The following CLHC1 variants were observed in gnomAD, a reference collection of about 807,000 sequenced individuals.
The protein encoded by CLHC1 is clathrin heavy chain linker domain containing 1.
In CLHC1, 72 loss-of-function variants were observed where a neutral mutation model predicts 69.5. The ratio of observed to expected loss-of-function variants is 1.04; its 90% CI spans 0.86 to 1.26. CLHC1 has a LOEUF of 1.26. Ranked by LOEUF, CLHC1 falls within the 50% of genes most tolerant of loss-of-function variation. CLHC1 has a pLI of 0.00. For missense variants in CLHC1, 790 were observed against 679.3 expected, an observed-to-expected ratio of 1.16 and a Z score of -1.81; for synonymous variants, 223 against 224.3, an observed-to-expected ratio of 0.99 and a Z score of 0.05.
At chr2:55,231,067 T>C (rs1056330691) in intron 1 of CLHC1, among the ~76,000 whole-genome samples, 6 of 151,916 alleles carry the variant, frequency 3.9e-5, no homozygotes, top group African/African-American at 9.7e-5. Context: ...CTGGCCAACA[T>C]GGTGAAACCC....
intron 12 of CLHC1, among the ~76,000 whole-genome samples, chr2:55,177,002 T>C (rs1319208544): frequency 6.6e-6 from 1 of 152,134 alleles, no homozygotes; most frequent in Non-Finnish European, 1.5e-5. Flanking sequence ...TCCTCTCAAG[T>C]AGCTGGGACT....
At chr2:55,223,111 T>C (rs1371239525) in intron 2 of CLHC1, among the ~76,000 whole-genome samples, 1 of 152,050 alleles carries the variant, frequency 6.6e-6, no homozygotes, top group Non-Finnish European at 1.5e-5. Context: ...GTTTGGTATT[T>C]TATATTTATT....
Position 55,231,253 on chromosome 2 carries a change from A to C in CLHC1, c.-256+970T>G, listed in dbSNP as rs545687670. Among the ~76,000 whole-genome samples the C allele has an allele frequency of 2.8e-3, 343 of 123,328 alleles. 1 individual carries two copies. Among genetic ancestry groups the C allele is most frequent in the African/African-American group, 0.015 (324 of 22,104 alleles). 80.9% of individuals were successfully genotyped at this position (123,328 alleles called of 152,430 possible). A position where few individuals can be genotyped will look rare whatever the true frequency, so the allele number is the denominator to read the frequency against. ...CAACAGAGCGAAATTCCGTCTCACG[A>C]AAAAAAAAAAAAAAAGTTCCAGGAA... On this transcript the variant is annotated intron_variant, in intron 1 of 12. Coordinates refer to ENST00000401408, the MANE Select transcript of CLHC1 (RefSeq NM_152385.4).
chr2:55,210,280 T>C (rs1183801119), intron 5 of CLHC1, among the ~76,000 whole-genome samples: 1 of 152,104 alleles, frequency 6.6e-6, no homozygotes, highest in Non-Finnish European at 1.5e-5. Flanking sequence ...CACTGCAACC[T>C]CTGCCTCCCA....
At position 55,212,735 on chromosome 2, in the gene CLHC1, T is replaced by C. The variant is rs373837976; in HGVS notation, c.437A>G (p.Glu146Gly). The change falls in exon 5 of 13, where the codon GAG becomes GGG. Residue 146 changes from glutamate to glycine, a missense_variant. By Grantham distance (98) the Glu-to-Gly change is moderately conservative. Coordinates refer to ENST00000401408, the MANE Select transcript of CLHC1 (RefSeq NM_152385.4). Reference protein sequence around the residue: ...QIDHIKQCRAEYDTKEVKYCT... With the variant: ...QIDHIKQCRAGYDTKEVKYCT... ...ATATTTTACTTCTTTTGTGTCATACTCTGCCCTACACTGCTTGATGTGATC... is the reference window on the plus strand; with the variant it reads ...ATATTTTACTTCTTTTGTGTCATACCCTGCCCTACACTGCTTGATGTGATC... 1.1e-5 allele frequency: 17 copies of C among 1,594,904 alleles called. No homozygotes were observed. In the African/African-American group the frequency reaches 1.2e-4, roughly 11 times the overall value.
At chr2:55,223,662 C>T (rs1479155957) in intron 2 of CLHC1, among the ~76,000 whole-genome samples, 4 of 152,092 alleles carry the variant, frequency 2.6e-5, no homozygotes, top group Non-Finnish European at 5.9e-5. Flanking sequence ...TCGCGGGGAC[C>T]ACTGGCGCCC....
At chr2:55,187,062 T>C (rs549909578) in intron 9 of CLHC1, among the ~76,000 whole-genome samples, 18 of 148,988 alleles carry the variant, frequency 1.2e-4, no homozygotes, top group Admixed American at 4.0e-4. Context: ...AGGTCAGGAG[T>C]TTGAGATCAA....
intron 9 of CLHC1, among the ~76,000 whole-genome samples, chr2:55,200,847 A>C (rs1671881582): frequency 6.6e-6 from 1 of 152,216 alleles, no homozygotes. Flanking sequence ...GATCACAGTG[A>C]AATAAAACTA....
chr2:55,188,334 T>G (rs1239435791), intron 9 of CLHC1, among the ~76,000 whole-genome samples: 1 of 152,086 alleles, frequency 6.6e-6, no homozygotes, highest in Non-Finnish European at 1.5e-5. Flanking sequence ...GGTATATGTG[T>G]ATACATATAT....
chr2:55,229,057 A>G (rs1674990919), intron 1 of CLHC1, among the ~76,000 whole-genome samples: 1 of 149,158 alleles, frequency 6.7e-6, no homozygotes, highest in Non-Finnish European at 1.5e-5. Context: ...TGGCTGAGGT[A>G]TGAGAATCAT....
In CLHC1 at chr2:55,175,510, C is replaced by T. The variant is rs1197593095; in HGVS notation, c.*280G>A. The T allele has an allele frequency of 1.4e-5, 5 of 363,874 alleles. No homozygotes were observed. Among genetic ancestry groups the T allele is most frequent in the African/African-American group, 1.0e-4 (5 of 49,030 alleles). The allele number at this position is 363,874 out of a possible 1,614,324, so 22.5% of individuals were successfully genotyped here. A position where few individuals can be genotyped will look rare whatever the true frequency, so the allele number is the denominator to read the frequency against. On this transcript the variant is annotated 3_prime_UTR_variant, in exon 13 of 13. Transcript: ENST00000401408. ...AGAAAGTAATATATCTGGACATTAG[C>T]TTATGTCCTTAGATAAAAATGCCCT...
At chr2:55,223,542 GC>G (rs1674378625) in intron 2 of CLHC1, among the ~76,000 whole-genome samples, 1 of 152,134 alleles carries the variant, frequency 6.6e-6, no homozygotes, top group African/African-American at 2.4e-5. Flanking sequence ...CCAAGGGTCG[GC>G]GCGACCGCTC....
chr2:55,209,825 G>A lies in CLHC1; in HGVS notation c.506C>T (p.Thr169Ile), dbSNP rs1672809704. The change falls in exon 6 of 13, where the codon ACT becomes ATT. Residue 169 changes from threonine (T) to isoleucine (I), a missense_variant. Physicochemically the swap from Thr to Ile is moderately conservative, Grantham distance 89. Transcript: ENST00000401408. Reference sequence around the variant, plus strand: ...ATCTAGATTCATGGATTCTTGAAGAGTCATGCCTATGGGGAAAGGGAACAA... The same window carrying A: ...ATCTAGATTCATGGATTCTTGAAGAATCATGCCTATGGGGAAAGGGAACAA... Reference protein sequence around the residue: ...KDPSKPIPGMTLQESMNLDAL... With the variant: ...KDPSKPIPGMILQESMNLDAL... The A allele has an allele frequency of 1.9e-6, 3 of 1,601,844 alleles. No homozygotes were observed. Among genetic ancestry groups the A allele is most frequent in the Non-Finnish European group, 2.6e-6 (3 of 1,171,794 alleles).
At chr2:55,183,813 G>A (rs918232783) in intron 9 of CLHC1, among the ~76,000 whole-genome samples, 9 of 152,052 alleles carry the variant, frequency 5.9e-5, no homozygotes, top group Non-Finnish European at 1.0e-4. Flanking sequence ...ATGGAGTCTC[G>A]CTCCGTCGCC....
At chr2:55,176,434 A>T (rs1397699398) in intron 12 of CLHC1, among the ~76,000 whole-genome samples, 1 of 152,234 alleles carries the variant, frequency 6.6e-6, no homozygotes, top group Non-Finnish European at 1.5e-5. Context: ...GCCTTAGTGG[A>T]GCTAACCCAA....
chr2:55,206,516 A>G, intron 8 of CLHC1, 140 bp from the exon 9 acceptor site: 3 of 640,680 alleles, frequency 4.7e-6, no homozygotes, highest in South Asian at 3.6e-5. Context: ...AACTATAACT[A>G]GAATCATTCA....
In CLHC1 at chr2:55,209,512, G is replaced by A. The variant is rs1220617751; in HGVS notation, c.706C>T (p.Gln236Ter). 1.2e-6 allele frequency: 2 copies of A among 1,603,650 alleles called. No individual in the cohort carries two copies. The highest frequency in any genetic ancestry group is 2.2e-5 in the East Asian group (1 of 44,820). Residue 236 changes from glutamine to a stop codon, truncating the protein, a stop_gained, in exon 7 of 13, where the codon CAA becomes TAA. Coordinates refer to ENST00000401408, the MANE Select transcript of CLHC1 (RefSeq NM_152385.4). LOFTEE classifies it high-confidence loss of function. ...GCCTGTGAAATTATCTGCAGTCTTT[G>A]ATGACTAAAAAGATAAAAAACGTCA... ...NLNKKLQFCH[Q>*]RLQIISQALS...
chr2:55,209,978 A>G, intron 5 of CLHC1, 147 bp from the exon 6 acceptor site: 1 of 567,240 alleles, frequency 1.8e-6, no homozygotes, highest in Admixed American at 3.5e-5. Flanking sequence ...ACATAAGTAA[A>G]ATTAGCATAA....
At chr2:55,215,720 G>A (rs1317396945) in intron 4 of CLHC1, among the ~76,000 whole-genome samples, 1 of 152,072 alleles carries the variant, frequency 6.6e-6, no homozygotes, top group East Asian at 1.9e-4. Context: ...TATTCTGCAT[G>A]CCGTAGTAAA....
Sources: gnomAD v4.1 joint callset for allele counts (sites outside exome capture counted in the v4.1 genomes callset) on GRCh38, gnomAD v4.1.1 for gene constraint, MANE v1.5 for transcripts, NCBI Gene and HGNC (gene_info 2026-07-23, HGNC 2026-07-21) for gene names.